MAF: variants seen among roughly 807,000 people sequenced by gnomAD.
MAF encodes the protein MAF bZIP transcription factor.
In MAF, 10 loss-of-function variants were observed where a neutral mutation model predicts 22.0. The observed-to-expected ratio is 0.45, with a 90% confidence interval of 0.28 to 0.77. The LOEUF (loss-of-function observed/expected upper bound fraction) is 0.77, where lower values mean the gene tolerates loss of function less well. Ranked by LOEUF, MAF falls within the 30% of genes least tolerant of loss-of-function variation. The probability of loss-of-function intolerance (pLI) is 0.12; values close to 1 mark genes in which losing one functional copy is unlikely to be tolerated. For synonymous variants in MAF, 337 were observed against 255.8 expected, an observed-to-expected ratio of 1.32 and a Z score of -3.03; for missense variants, 544 against 548.4, an observed-to-expected ratio of 0.99 and a Z score of 0.08.
At chr16:79,558,982 A>G in the MAF span, among the ~76,000 whole-genome samples, 1 of 152,214 alleles carries the variant, frequency 6.6e-6, no homozygotes, top group Non-Finnish European at 1.5e-5. Context: ...CTGAACCAAC[A>G]GAAACACTAC....
At chr16:79,309,063 T>C in the MAF span, among the ~76,000 whole-genome samples, 1 of 152,146 alleles carries the variant, frequency 6.6e-6, no homozygotes, top group Non-Finnish European at 1.5e-5. Context: ...AATCTGGCCC[T>C]GGGCGCAGAG....
At chr16:79,305,487 C>A in the MAF span, among the ~76,000 whole-genome samples, 1 of 152,098 alleles carries the variant, frequency 6.6e-6, no homozygotes, top group Non-Finnish European at 1.5e-5. Flanking sequence ...CTCAGAGATG[C>A]CCCTGGTATT....
chr16:79,491,143 G>A, the MAF span, among the ~76,000 whole-genome samples: 7 of 152,206 alleles, frequency 4.6e-5, no homozygotes, highest in African/African-American at 1.7e-4. Flanking sequence ...TTGAGACCCA[G>A]CAGCCTGATA....
the MAF span, among the ~76,000 whole-genome samples, chr16:79,321,014 T>C: frequency 6.6e-6 from 1 of 152,228 alleles, no homozygotes; most frequent in East Asian, 1.9e-4. Flanking sequence ...GGTGACTAAC[T>C]GAGGAGTCTG....
At chr16:79,583,012 G>A (rs1912618834), downstream of MAF, among the ~76,000 whole-genome samples, 1 of 152,168 alleles carries the variant, frequency 6.6e-6, no homozygotes, top group Non-Finnish European at 1.5e-5. Flanking sequence ...CACCATTTCT[G>A]TTAAAATATG....
chr16:79,322,385 G>A, the MAF span, among the ~76,000 whole-genome samples: 9 of 152,172 alleles, frequency 5.9e-5, no homozygotes, highest in Admixed American at 4.6e-4. Flanking sequence ...TCACTCTGTG[G>A]ATTCAGTTAG....
At chr16:79,215,881 T>G in the MAF span, among the ~76,000 whole-genome samples, 3 of 152,196 alleles carry the variant, frequency 2.0e-5, no homozygotes, top group African/African-American at 4.8e-5. Flanking sequence ...TACTTGAAGA[T>G]GAACTGAGGC....
chr16:79,544,772 C>CAAAAA, the MAF span, among the ~76,000 whole-genome samples: 9 of 113,606 alleles, frequency 7.9e-5, no homozygotes, highest in Admixed American at 3.7e-4. Context: ...GGCTCTGTCT[C>CAAAAA]AAAAAAAAAA....
the MAF span, among the ~76,000 whole-genome samples, chr16:79,395,192 C>T: frequency 5.5e-4 from 84 of 152,272 alleles, no homozygotes; most frequent in African/African-American, 2.0e-3. Context: ...GTTGAAGGGG[C>T]AGCTTAGGCC....
the MAF span, chr16:79,212,227 T>C: frequency 7.2e-7 from 1 of 1,382,120 alleles, no homozygotes; most frequent in African/African-American, 1.5e-5. Flanking sequence ...AAGTGTTCAC[T>C]GCTCCTTGCT....
the MAF span, among the ~76,000 whole-genome samples, chr16:79,391,671 G>A: frequency 6.6e-6 from 1 of 150,704 alleles, no homozygotes; most frequent in Non-Finnish European, 1.5e-5. Flanking sequence ...AACGTAGGTG[G>A]GCATCCGCCT....
downstream of MAF, among the ~76,000 whole-genome samples, chr16:79,582,910 A>G (rs966099249): frequency 2.0e-5 from 3 of 152,174 alleles, no homozygotes; most frequent in Non-Finnish European, 4.4e-5. Flanking sequence ...TGGGGTCAAG[A>G]CCAGCCACCT....
chr16:79,257,226 T>G, the MAF span, among the ~76,000 whole-genome samples: 1 of 152,154 alleles, frequency 6.6e-6, no homozygotes, highest in African/African-American at 2.4e-5. Flanking sequence ...TAAAAACTGG[T>G]GAAATCTGAA....
the MAF span, among the ~76,000 whole-genome samples, chr16:79,220,851 G>T: frequency 1.3e-5 from 2 of 152,192 alleles, no homozygotes; most frequent in African/African-American, 4.8e-5. Flanking sequence ...TGGATATGCT[G>T]CTGATCAGTT....
the MAF span, among the ~76,000 whole-genome samples, chr16:79,435,022 C>G: frequency 3.3e-5 from 5 of 152,106 alleles, no homozygotes; most frequent in Admixed American, 1.3e-4. Context: ...ACTTCTGGGT[C>G]CCAGCAGAGT....
Position 79,599,944 on chromosome 16 carries a change from T to C in MAF, c.-42A>G, listed in dbSNP as rs1175924776. On this transcript the variant is annotated 5_prime_UTR_variant, in exon 1 of 2. Transcript: ENST00000326043. ...CCGCCGCCGCCGCCGCTCCGCCAGA[T>C]GGGCTGCAGGAGAGGGGCCAGCGGG... 1.9e-6 allele frequency: 3 copies of C among 1,597,614 alleles called. No homozygotes were observed. The highest frequency in any genetic ancestry group is 2.7e-5 in the African/African-American group (2 of 74,728).
At chr16:79,379,509 ACACACAC>A in the MAF span, among the ~76,000 whole-genome samples, 2 of 125,482 alleles carry the variant, frequency 1.6e-5, no homozygotes, top group South Asian at 2.4e-4. Flanking sequence ...GTGCACACAC[ACACACAC>A]ACACACACAC....
At chr16:79,212,217 A>AAGGAGC in the MAF span, 1 of 1,421,150 alleles carries the variant, frequency 7.0e-7, no homozygotes, top group Non-Finnish European at 9.2e-7. Flanking sequence ...AAGAAAAAGC[A>AAGGAGC]AGTGTTCACT....
At chr16:79,314,673 G>A in the MAF span, among the ~76,000 whole-genome samples, 13 of 152,340 alleles carry the variant, frequency 8.5e-5, no homozygotes, top group African/African-American at 2.6e-4. Context: ...CCCCTGGAGG[G>A]TCATCAAAGC....
Sources: allele counts gnomAD v4.1 joint callset (sites outside exome capture counted in the v4.1 genomes callset), GRCh38; gene constraint gnomAD v4.1.1; transcripts MANE v1.5; gene names NCBI Gene and HGNC (gene_info 2026-07-23, HGNC 2026-07-21).